Variants in PHTF1 observed in about 807,000 individuals in gnomAD.
PHTF1 encodes the protein protein PHTF1.
In PHTF1, 88 loss-of-function variants were observed where a neutral mutation model predicts 102.4. That is an observed-to-expected ratio of 0.86 (90% CI 0.72 to 1.03). PHTF1 has a LOEUF of 1.03. PHTF1 is among the 50% of genes least tolerant of loss of function. The pLI, the probability that PHTF1 is intolerant of heterozygous loss-of-function variation, is 0.00. For synonymous variants in PHTF1, 289 were observed against 305.2 expected, an observed-to-expected ratio of 0.95 and a Z score of 0.55; for missense variants, 814 against 909.5, an observed-to-expected ratio of 0.89 and a Z score of 1.35.
rs533602774 is a variant in PHTF1, at chr1:113,745,055, G to A, written c.103-6256C>T. Among the ~76,000 whole-genome samples the A allele has an allele frequency of 1.4e-4, 22 of 151,974 alleles. No homozygotes were observed. The East Asian group carries it at 2.9e-3, about 20-fold the overall frequency. The stretch of plus-strand genomic sequence containing the variant: ...GGCAGGGCAGGGCAGGGCAGGGCAA[G>A]AAAGAAAGAAAAGCATGAGAGGACC... On this transcript the variant is annotated intron_variant, in intron 3 of 18. Transcript: ENST00000369604.
At position 113,759,204 on chromosome 1, in the gene PHTF1, G is replaced by C. The variant is rs556826823; in HGVS notation, c.-212C>G. 1.5e-4 allele frequency: 77 copies of C among 520,748 alleles called. No homozygotes were observed. Among genetic ancestry groups the C allele is most frequent in the Non-Finnish European group, 1.8e-4 (73 of 404,762 alleles). The allele number at this position is 520,748 out of a possible 1,614,324, so 32.3% of individuals were successfully genotyped here. ...GGCCGCCCCAGCTTCGGAGGCAGCC[G>C]GCCGCCCAGCGCCCTGAGGGCGGCA... On this transcript the variant is annotated 5_prime_UTR_variant, in exon 1 of 19. Transcript: ENST00000369604.
intron 7 of PHTF1, chr1:113,713,759 G>T (rs1327054036): frequency 4.2e-6 from 1 of 236,964 alleles, no homozygotes; most frequent in Non-Finnish European, 8.1e-6. Flanking sequence ...TATATCGTCT[G>T]TTATTGCCAC....
intron 10 of PHTF1, 127 bp from the exon 11 acceptor site, chr1:113,710,602 C>G (rs541476262): frequency 1.5e-6 from 1 of 664,058 alleles, no homozygotes; most frequent in African/African-American, 1.8e-5. Context: ...ACCATGAATT[C>G]ATTTTTTCAC....
At position 113,724,785 on chromosome 1, in the gene PHTF1, A is replaced by C. The variant is rs762534556; in HGVS notation, c.597T>G (p.Gly199=). 13 of 1,602,262 alleles carry C rather than the reference A, an allele frequency of 8.1e-6. No individual in the cohort carries two copies. Among genetic ancestry groups the C allele is most frequent in the Non-Finnish European group, 1.1e-5 (13 of 1,176,828 alleles). Residue 199 remains glycine, a synonymous_variant, in exon 7 of 19, where the codon GGT becomes GGG. Coordinates refer to ENST00000369604, the MANE Select transcript of PHTF1 (RefSeq NM_001323043.2). Reference sequence around the variant, plus strand: ...TGTTGCCAAAGATAGTCTCCCAAAAACCACCAATAATGGGTACAGATTCCA... The same window carrying C: ...TGTTGCCAAAGATAGTCTCCCAAAACCCACCAATAATGGGTACAGATTCCA... The part of the protein sequence containing the change: ...ETLESVPIIG[G]FWETIFGNRI...
intron 15 of PHTF1, among the ~76,000 whole-genome samples, chr1:113,701,856 A>AAAAAAAAAAAT (rs1649487468): frequency 7.1e-6 from 1 of 141,402 alleles, no homozygotes; most frequent in South Asian, 2.3e-4. Context: ...AAAAAAAAAA[A>AAAAAAAAAAAT]AAATCATTCA....
At chr1:113,722,963 TAAAA>T (rs200817078) in intron 7 of PHTF1, among the ~76,000 whole-genome samples, 1,740 of 143,276 alleles carry the variant, frequency 0.012, 42 homozygotes, top group African/African-American at 0.043. Flanking sequence ...AATAAATAAA[TAAAA>T]ATAAAAATTA....
intron 3 of PHTF1, among the ~76,000 whole-genome samples, chr1:113,756,004 T>TGGCAGTGAGCC (rs908441791): frequency 1.4e-5 from 2 of 144,618 alleles, no homozygotes; most frequent in African/African-American, 5.2e-5. Flanking sequence ...GAGGCGGAGC[T>TGGCAGTGAGCC]GGCAGTGAGC....
At chr1:113,712,172 C>T in intron 8 of PHTF1, 59 bp from the exon 9 acceptor site, 2 of 1,379,474 alleles carry the variant, frequency 1.4e-6, no homozygotes, top group Non-Finnish European at 1.0e-6. Context: ...TAATAAGCTG[C>T]ATGTGTAAAA....
chr1:113,758,522 T>C, intron 2 of PHTF1, 137 bp downstream of exon 2: 1 of 436,282 alleles, frequency 2.3e-6, no homozygotes, highest in Non-Finnish European at 3.9e-6. Flanking sequence ...ATCTTTTTTT[T>C]TTTTTTTTCA....
At chr1:113,699,429 T>C in intron 17 of PHTF1, 2 of 584,644 alleles carry the variant, frequency 3.4e-6, no homozygotes, top group Non-Finnish European at 6.4e-6. Flanking sequence ...AAGAGGCAGA[T>C]CTCCTCCAGG....
chr1:113,716,641 T>C (rs1347068868), intron 7 of PHTF1, among the ~76,000 whole-genome samples: 2 of 152,152 alleles, frequency 1.3e-5, no homozygotes, highest in Non-Finnish European at 1.5e-5. Flanking sequence ...TGAGCCACTA[T>C]GTCCAGCCGG....
chr1:113,699,886 T>G, intron 16 of PHTF1, 87 bp from the exon 17 acceptor site: 2 of 708,392 alleles, frequency 2.8e-6, no homozygotes, highest in East Asian at 5.5e-5. Context: ...AAGGTCATGT[T>G]TTCAAGTAAA....
chr1:113,748,681 G>A (rs1657571719), intron 3 of PHTF1, among the ~76,000 whole-genome samples: 1 of 152,054 alleles, frequency 6.6e-6, no homozygotes, highest in African/African-American at 2.4e-5. Flanking sequence ...CTACAGGCAT[G>A]CAACGCCAAG....
upstream of PHTF1, among the ~76,000 whole-genome samples, chr1:113,759,824 G>A (rs748077726): frequency 2.6e-5 from 4 of 152,242 alleles, no homozygotes; most frequent in Non-Finnish European, 5.9e-5. Context: ...GTTCCCCAGT[G>A]GGCTGTGGGC....
rs1173209222 is a variant in PHTF1, at chr1:113,698,392, A to T, written c.2143-5T>A. 1 of 1,608,974 alleles carries T rather than the reference A, an allele frequency of 6.2e-7. No homozygotes were observed. Among genetic ancestry groups the T allele is most frequent in the East Asian group, 2.2e-5 (1 of 44,790 alleles). ...TCTAAATGGTGTGTCCAGCTCCTAC[A>T]AAAAACATCAAAGAATTGAAATGAG... On this transcript the variant is annotated splice_polypyrimidine_tract_variant and splice_region_variant and intron_variant, in intron 17 of 18. Transcript: ENST00000369604.
intron 15 of PHTF1, among the ~76,000 whole-genome samples, chr1:113,703,062 CAG>C (rs1490451521): frequency 6.6e-6 from 1 of 152,158 alleles, no homozygotes; most frequent in Non-Finnish European, 1.5e-5. Context: ...CAAAAACTGA[CAG>C]AAGAGGAAAC....
chr1:113,714,991 T>A (rs967823042), intron 7 of PHTF1: 1 of 152,242 alleles, frequency 6.6e-6, no homozygotes, highest in Non-Finnish European at 1.5e-5. Flanking sequence ...TCCCTGGTAA[T>A]CCAGAGAATT....
At chr1:113,744,193 T>C (rs1656851533) in intron 3 of PHTF1, among the ~76,000 whole-genome samples, 2 of 152,198 alleles carry the variant, frequency 1.3e-5, no homozygotes, top group Non-Finnish European at 2.9e-5. Context: ...CTGTAGGCTG[T>C]ACGCAGCCCT....
intron 3 of PHTF1, among the ~76,000 whole-genome samples, chr1:113,752,506 T>C (rs1274923721): frequency 1.6e-5 from 2 of 124,536 alleles, no homozygotes; most frequent in African/African-American, 6.2e-5. Context: ...GTTCACGCCA[T>C]TCTCCTGTCT....
Sources: allele counts gnomAD v4.1 joint callset (sites outside exome capture counted in the v4.1 genomes callset), GRCh38; gene constraint gnomAD v4.1.1; transcripts MANE v1.5; gene names NCBI Gene and HGNC (gene_info 2026-07-23, HGNC 2026-07-21).